The following DTX2 variants were observed in gnomAD, a reference collection of about 807,000 sequenced individuals.
DTX2 encodes the protein probable E3 ubiquitin-protein ligase DTX2.
DTX2 carries 29 observed loss-of-function variants against 55.3 expected under a neutral mutation model. The observed-to-expected ratio is 0.52, with a 90% CI of 0.39 to 0.71. The LOEUF (loss-of-function observed/expected upper bound fraction) is 0.71. Among genes scored for constraint, DTX2 ranks in the 30% least tolerant of loss-of-function variants. The pLI is 0.00. For missense variants in DTX2, 537 were observed against 822.5 expected, an observed-to-expected ratio of 0.65 and a Z score of 4.25; for synonymous variants, 276 against 340.4, an observed-to-expected ratio of 0.81 and a Z score of 2.08.
intron 4 of DTX2, 131 bp downstream of exon 4, chr7:76,483,278 T>G (rs1432868573): frequency 6.7e-6 from 8 of 1,188,956 alleles, no homozygotes; most frequent in Non-Finnish European, 6.9e-6. Flanking sequence ...CATTTGCATG[T>G]GGCATGTGGG....
At position 76,468,447 on chromosome 7, in the gene DTX2, C is replaced by CT. The variant is rs1807434283; in HGVS notation, c.-90+4738_-90+4739insT. Reference sequence around the variant, plus strand: ...CCCTCAGCCAAATCTGGCCCACTGCCATTTTTTTTTTTTTTTTTTTTTTTT... The same window carrying CT: ...CCCTCAGCCAAATCTGGCCCACTGCCTATTTTTTTTTTTTTTTTTTTTTTTT... On this transcript the variant is annotated intron_variant, in intron 2 of 10. Transcript: ENST00000430490. Among the ~76,000 whole-genome samples the CT allele has an allele frequency of 1.9e-3, 144 of 77,634 alleles. 1 individual carries two copies. The highest frequency in any genetic ancestry group is 4.3e-3 in the South Asian group (8 of 1,852). The allele number at this position is 77,634 out of a possible 152,430, so 50.9% of individuals were successfully genotyped here.
intron 6 of DTX2, among the ~76,000 whole-genome samples, chr7:76,498,810 GGGGTGTGTGGGGTGTGTAGAGGTGA>G (rs1206438298): frequency 5.4e-5 from 4 of 74,096 alleles, no homozygotes; most frequent in African/African-American, 8.0e-5. Context: ...GTGGAGGTGT[GGGGTGTGTGGGGTGTGTAGAGGTGA>G]GGGTGTGTGG....
At chr7:76,498,784 C>A (rs1439301833) in intron 6 of DTX2, among the ~76,000 whole-genome samples, 3 of 31,854 alleles carry the variant, frequency 9.4e-5, no homozygotes, top group Non-Finnish European at 1.6e-4. Flanking sequence ...TGGGTTCGGG[C>A]AGTCTGTATG....
chr7:76,467,021 C>T (rs1264798018), intron 2 of DTX2, among the ~76,000 whole-genome samples: 2 of 152,070 alleles, frequency 1.3e-5, no homozygotes, highest in Non-Finnish European at 2.9e-5. Flanking sequence ...CCCCTTCAGC[C>T]TCCTGAATAG....
Position 76,482,593 on chromosome 7 carries a change from T to C in DTX2, c.354T>C (p.Asp118=), listed in dbSNP as rs1809370071. Residue 118 remains aspartate (D), a synonymous_variant, in exon 4 of 11, where the codon GAT becomes GAC. Transcript: ENST00000430490. ...TCGTCTGGGAGTGGCTGAGCGACGA[T>C]GGCTCCTGGACTGCCTATGAAGCCA... ...RGVVWEWLSD[D]GSWTAYEASV... 6.2e-7 allele frequency: 1 copy of C among 1,613,608 alleles called. No individual in the cohort carries two copies. Among genetic ancestry groups the C allele is most frequent in the Admixed American group, 1.7e-5 (1 of 59,988 alleles).
rs1416726011 is a variant in DTX2, at chr7:76,483,009, C to T, written c.770C>T (p.Ser257Phe). 6.2e-7 allele frequency: 1 copy of T among 1,613,422 alleles called. No homozygotes were observed. Among genetic ancestry groups the T allele is most frequent in the Non-Finnish European group, 8.5e-7 (1 of 1,179,688 alleles). Residue 257 changes from serine to phenylalanine, a missense_variant, in exon 4 of 11, where the codon TCT (serine) becomes TTT (phenylalanine). This residue lies in a region of DTX2 where 301 missense variants were observed against 396.6 expected (regional missense o/e 0.76). Coordinates refer to ENST00000430490, the MANE Select transcript of DTX2 (RefSeq NM_001102594.3). ...AAACCCTCACTCTCCGGGGCCCGGT[C>T]TGCGCCCAGGCTGAACACCACCAAC... ...YNKPSLSGAR[S>F]APRLNTTNAW...
intron 2 of DTX2, 148 bp from the exon 3 acceptor site, chr7:76,480,273 G>C (rs1799173): frequency 0.51 from 245,093 of 484,846 alleles, 63,988 homozygotes; most frequent in African/African-American, 0.61. Context: ...CTGCTGCACT[G>C]TAGCCTGGGT....
chr7:76,480,355 G>A (rs1016007271), intron 2 of DTX2, 66 bp from the exon 3 acceptor site: 52 of 1,000,628 alleles, frequency 5.2e-5, no homozygotes, highest in East Asian at 1.6e-4. Context: ...TTTCCCCTGC[G>A]CTGAGGCTGA....
At chr7:76,468,113 C>T (rs1474867323) in intron 2 of DTX2, among the ~76,000 whole-genome samples, 12 of 152,286 alleles carry the variant, frequency 7.9e-5, no homozygotes, top group African/African-American at 2.2e-4. Context: ...GCCTGATTCC[C>T]GGATGCAGAG....
In DTX2 at chr7:76,505,622, G is replaced by A. The variant is rs771152679; in HGVS notation, c.*21G>A. ...AGTGACCTCGCACCCCAGCACGCCC[G>A]CCTCTGGTGGCCACCCCGCTGCCCC... On this transcript the variant is annotated 3_prime_UTR_variant, in exon 11 of 11. Coordinates refer to ENST00000430490, the MANE Select transcript of DTX2 (RefSeq NM_001102594.3). The surrounding 1 kb of genome is among the most constrained non-coding windows in gnomAD (Gnocchi z 4.4). 2.1e-4 allele frequency: 327 copies of A among 1,533,406 alleles called. 1 individual carries two copies. The highest frequency in any genetic ancestry group is 2.7e-4 in the Non-Finnish European group (305 of 1,143,996). 95.0% of individuals were successfully genotyped at this position (1,533,406 alleles called of 1,614,324 possible). A position where few individuals can be genotyped will look rare whatever the true frequency, so the allele number is the denominator to read the frequency against.
Position 76,480,894 on chromosome 7 carries a change from A to G in DTX2, c.268+117A>G, listed in dbSNP as rs566618410. 4.9e-4 allele frequency: 609 copies of G among 1,230,468 alleles called. 2 individuals are homozygous for G. The African/African-American group carries it at 8.7e-3, about 17-fold the overall frequency. The allele number at this position is 1,230,468 out of a possible 1,614,324, so 76.2% of individuals were successfully genotyped here. A position where few individuals can be genotyped will look rare whatever the true frequency, so the allele number is the denominator to read the frequency against. ...TACAGAGCTTCTGCTCTCTCCCTGCAGCACACGTGGTGGTGGGTGGGTGCA... is the reference window on the plus strand; with the variant it reads ...TACAGAGCTTCTGCTCTCTCCCTGCGGCACACGTGGTGGTGGGTGGGTGCA... On this transcript the variant is annotated intron_variant, in intron 3 of 10. Coordinates refer to ENST00000430490, the MANE Select transcript of DTX2 (RefSeq NM_001102594.3).
Position 76,505,523 on chromosome 7 carries a change from C to T in DTX2, c.1791C>T (p.Pro597=), listed in dbSNP as rs200874572. The change falls in exon 11 of 11, where the codon CCC becomes CCT. Residue 597 remains proline, a synonymous_variant. Transcript: ENST00000430490. This position sits in a 1 kb window ranked among gnomAD's most constrained non-coding sequence, Gnocchi z 4.4. ...GCAACATTACGGGCCACGGCTATCC[C>T]GACCCCAACTACCTGCAGAACGTGC... is the stretch of plus-strand genomic sequence containing the variant. ...MDRNITGHGY[P]DPNYLQNVLA... 37 of 1,609,468 alleles carry T rather than the reference C, an allele frequency of 2.3e-5. No homozygotes were observed. Among genetic ancestry groups the T allele is most frequent in the African/African-American group, 1.3e-4 (10 of 74,990 alleles).
At chr7:76,500,893 G>A (rs1018607305) in intron 7 of DTX2, among the ~76,000 whole-genome samples, 1 of 152,118 alleles carries the variant, frequency 6.6e-6, no homozygotes, top group Non-Finnish European at 1.5e-5. Context: ...CCTGCCCCCC[G>A]GCTATTGGGA....
intron 3 of DTX2, among the ~76,000 whole-genome samples, chr7:76,481,097 TCCC>T (rs1429008538): frequency 6.6e-6 from 1 of 152,196 alleles, no homozygotes; most frequent in East Asian, 1.9e-4. Context: ...GAGGGCCCTG[TCCC>T]ACCACTCAGT....
At chr7:76,472,516 G>A (rs1261507697) in intron 2 of DTX2, among the ~76,000 whole-genome samples, 3 of 147,584 alleles carry the variant, frequency 2.0e-5, no homozygotes, top group Non-Finnish European at 3.0e-5. Flanking sequence ...TAGTAGAGAC[G>A]GGATTTCACC....
At position 76,486,790 on chromosome 7, in the gene DTX2, T is replaced by C. The variant is rs1272176100; in HGVS notation, c.908+3643T>C. On this transcript the variant is annotated intron_variant, in intron 4 of 10. Transcript: ENST00000430490. ...TGTGGGCGTTTTGCTCTGTGCTGAA[T>C]GGCTCAGTGGCCCTGCAAAACGGCG... Among the ~76,000 whole-genome samples, 2 of 146,854 alleles carry C rather than the reference T, an allele frequency of 1.4e-5. 1 individual carries two copies. The highest frequency in any genetic ancestry group is 3.0e-5 in the Non-Finnish European group (2 of 66,420).
chr7:76,501,246 T>C, intron 7 of DTX2: 1 of 456,012 alleles, frequency 2.2e-6, no homozygotes, highest in Middle Eastern at 3.3e-4. Context: ...CCAGGGACTC[T>C]TCACTTGTCT....
chr7:76,499,658 C>T (rs1250607999), intron 6 of DTX2: 1 of 149,770 alleles, frequency 6.7e-6, no homozygotes, highest in East Asian at 2.0e-4. Flanking sequence ...TTCTGTGGTT[C>T]TGCTACTCCC....
chr7:76,502,702 C>T (rs1563758067), intron 8 of DTX2: 1 of 531,334 alleles, frequency 1.9e-6, no homozygotes, highest in Non-Finnish European at 3.4e-6. Flanking sequence ...CCCTCCACCC[C>T]TCCAGCCAGG....
Sources: allele counts gnomAD v4.1 joint callset (sites outside exome capture counted in the v4.1 genomes callset), GRCh38; gene constraint gnomAD v4.1.1; regional missense constraint gnomAD v4.1.1; non-coding constraint Gnocchi (gnomAD v3.1); transcripts MANE v1.5; gene names NCBI Gene and HGNC (gene_info 2026-07-23, HGNC 2026-07-21).